DLGAP4: variants seen among roughly 807,000 people sequenced by gnomAD.
The protein encoded by DLGAP4 is DLG associated protein 4.
Under a neutral mutation model 86.9 loss-of-function variants are expected in DLGAP4, and 18 were observed. That is an observed-to-expected ratio of 0.21 (90% CI 0.14 to 0.31). The LOEUF is 0.31. DLGAP4 is among the 10% of genes least tolerant of loss of function. The pLI is 1.00. For missense variants in DLGAP4, 1,085 were observed against 1,362.6 expected, an observed-to-expected ratio of 0.80 and a Z score of 3.21; for synonymous variants, 548 against 574.3, an observed-to-expected ratio of 0.95 and a Z score of 0.65.
intron 1 of DLGAP4, among the ~76,000 whole-genome samples, chr20:36,348,466 C>T (rs556306643): frequency 2.6e-4 from 39 of 151,962 alleles, no homozygotes; most frequent in Middle Eastern, 6.8e-3. Context: ...TCGCCCATCT[C>T]GTTCTAAAGT....
chr20:36,326,115 C>T (rs745470824), intron 1 of DLGAP4, among the ~76,000 whole-genome samples: 1 of 152,066 alleles, frequency 6.6e-6, no homozygotes, highest in Non-Finnish European at 1.5e-5. Context: ...TGTACCTGTT[C>T]GTGTTTTTAT....
At chr20:36,414,088 C>T (rs2032585138) in intron 2 of DLGAP4, among the ~76,000 whole-genome samples, 1 of 152,166 alleles carries the variant, frequency 6.6e-6, no homozygotes, top group East Asian at 1.9e-4. Flanking sequence ...GAGCCCCACA[C>T]CGTTGGGATA....
chr20:36,465,588 T>C (rs1181170595), intron 7 of DLGAP4, among the ~76,000 whole-genome samples: 1 of 152,154 alleles, frequency 6.6e-6, no homozygotes, highest in Non-Finnish European at 1.5e-5. Context: ...TTCCCCAGTC[T>C]CTGAGCTCAT....
At chr20:36,525,033 A>T (rs989223670) in intron 11 of DLGAP4, among the ~76,000 whole-genome samples, 18 of 151,288 alleles carry the variant, frequency 1.2e-4, no homozygotes, top group African/African-American at 4.1e-4. Context: ...CCTGGCTAAC[A>T]CGGTGAAACC....
intron 1 of DLGAP4, among the ~76,000 whole-genome samples, chr20:36,314,972 A>G (rs1419425653): frequency 7.8e-5 from 8 of 103,088 alleles, no homozygotes; most frequent in African/African-American, 1.2e-4. Context: ...TGTGTTATCT[A>G]TGGTGTGTGG....
chr20:36,361,195 T>G (rs1191398359), intron 1 of DLGAP4, among the ~76,000 whole-genome samples: 4 of 152,036 alleles, frequency 2.6e-5, no homozygotes, highest in African/African-American at 9.7e-5. Flanking sequence ...GTTGGGGGTG[T>G]AAGAAGCCCC....
intron 2 of DLGAP4, among the ~76,000 whole-genome samples, chr20:36,406,441 TGA>T (rs2032324952): frequency 2.7e-5 from 4 of 150,228 alleles, no homozygotes; most frequent in African/African-American, 9.8e-5. Flanking sequence ...TCATGCTGGC[TGA>T]GTCACCTCTG....
Position 36,526,815 on chromosome 20 carries a change from A to G in DLGAP4, c.2763A>G (p.Glu921=). The G allele has an allele frequency of 1.2e-6, 2 of 1,600,026 alleles. No homozygotes were observed. Among genetic ancestry groups the G allele is most frequent in the Non-Finnish European group, 1.7e-6 (2 of 1,175,416 alleles). The change falls in exon 13 of 13, where the codon GAA becomes GAG. Residue 921 remains glutamate, a splice_region_variant and synonymous_variant. Transcript: ENST00000339266. ...QLVETPEKRK[E]EKKPPPPVPK... is the part of the protein sequence containing the mutation. ...CTCTCCTCACTGTCTCACTAAAGGA[A>G]GAGAAGAAACCACCCCCTCCGGTCC...
At position 36,512,880 on chromosome 20, in the gene DLGAP4, G is replaced by A. The variant is rs190334354; in HGVS notation, c.2513-11370G>A. ...AGCCATGAGCCAGAGGAGAGGGATG[G>A]GAGATGAAGTCAGACTGGGGGCATC... On this transcript the variant is annotated intron_variant, in intron 10 of 12. Transcript: ENST00000339266. Among the ~76,000 whole-genome samples the A allele has an allele frequency of 1.2e-4, 18 of 149,930 alleles. No individual in the cohort carries two copies. In the East Asian group the frequency reaches 3.3e-3, roughly 28 times the overall value.
chr20:36,416,651 C>T (rs778572263), intron 2 of DLGAP4, among the ~76,000 whole-genome samples: 3 of 152,206 alleles, frequency 2.0e-5, no homozygotes, highest in African/African-American at 7.2e-5. Context: ...GCCTTACCCC[C>T]GACTTTTAAG....
chr20:36,322,721 T>C (rs1555890650), intron 1 of DLGAP4, among the ~76,000 whole-genome samples: 1 of 152,226 alleles, frequency 6.6e-6, no homozygotes, highest in Non-Finnish European at 1.5e-5. Context: ...CCCTTGATGC[T>C]GGCCATCCTC....
At chr20:36,509,464 G>A (rs1298307330) in intron 10 of DLGAP4, among the ~76,000 whole-genome samples, 2 of 152,030 alleles carry the variant, frequency 1.3e-5, no homozygotes, top group South Asian at 2.1e-4. Context: ...CCAGCTACTC[G>A]GGAGGCTGAG....
chr20:36,363,182 G>A (rs1268061001), intron 1 of DLGAP4, among the ~76,000 whole-genome samples: 4 of 152,170 alleles, frequency 2.6e-5, no homozygotes, highest in Non-Finnish European at 4.4e-5. Flanking sequence ...AGCTAGGCAC[G>A]TGCCTGGTAT....
Position 36,317,387 on chromosome 20 carries a change from CTCTT to C in DLGAP4, c.-304+10883_-304+10886del, listed in dbSNP as rs1233231354. On this transcript the variant is annotated intron_variant, in intron 1 of 12. Transcript: ENST00000339266. ...TCTTTCATTCTTTCTTTCCTCTCGTCTCTTTCTTTCTCTCTTCTTCCTTCCTTCT... is the reference window on the plus strand; with the variant it reads ...TCTTTCATTCTTTCTTTCCTCTCGTCTCTTTCTCTCTTCTTCCTTCCTTCT... 1.8e-3 allele frequency among the ~76,000 whole-genome samples: 258 copies of C among 146,690 alleles called. 1 individual carries two copies. Among genetic ancestry groups the C allele is most frequent in the African/African-American group, 6.3e-3 (249 of 39,666 alleles).
At chr20:36,494,035 C>G (rs549739863) in intron 7 of DLGAP4, among the ~76,000 whole-genome samples, 1 of 152,224 alleles carries the variant, frequency 6.6e-6, no homozygotes, top group South Asian at 2.1e-4. Context: ...TGCCTCCTGC[C>G]TCCCTGCTGC....
intron 8 of DLGAP4, chr20:36,499,180 G>C (rs1487168090): frequency 6.8e-7 from 1 of 1,471,068 alleles, no homozygotes; most frequent in Admixed American, 1.9e-5. Context: ...CTTTGTGTGT[G>C]TGTGTGTGTT....
At chr20:36,453,016 A>G (rs1439944535) in intron 7 of DLGAP4, among the ~76,000 whole-genome samples, 1 of 151,432 alleles carries the variant, frequency 6.6e-6, no homozygotes, top group Admixed American at 6.6e-5. Context: ...TATTTTTAGT[A>G]GAGACGGGGT....
intron 2 of DLGAP4, among the ~76,000 whole-genome samples, chr20:36,420,480 C>G (rs527857453): frequency 1.3e-4 from 20 of 152,218 alleles, no homozygotes; most frequent in African/African-American, 4.8e-4. Context: ...CCATCCATGT[C>G]CCAAGGACAG....
At chr20:36,524,694 G>A (rs961353034) in intron 11 of DLGAP4, among the ~76,000 whole-genome samples, 26 of 152,004 alleles carry the variant, frequency 1.7e-4, no homozygotes, top group African/African-American at 2.7e-4. Flanking sequence ...CCTGAGGTCC[G>A]GAGTTCGAGA....
Sources: gnomAD v4.1 joint callset for allele counts (sites outside exome capture counted in the v4.1 genomes callset) on GRCh38, gnomAD v4.1.1 for gene constraint, MANE v1.5 for transcripts, NCBI Gene and HGNC (gene_info 2026-07-23, HGNC 2026-07-21) for gene names.